Variants in PTPDC1 observed in about 807,000 individuals in gnomAD.
PTPDC1 encodes protein tyrosine phosphatase domain-containing protein 1.
PTPDC1 carries 53 observed loss-of-function variants against 75.3 expected under a neutral mutation model. The observed-to-expected ratio is 0.70, with a 90% CI of 0.56 to 0.88. PTPDC1 has a LOEUF of 0.88. Ranked by LOEUF, PTPDC1 falls within the 40% of genes least tolerant of loss-of-function variation. PTPDC1 has a pLI of 0.00. For missense variants in PTPDC1, 925 were observed against 998.6 expected (o/e 0.93, Z 0.99); for synonymous variants, 349 against 366.2 (o/e 0.95, Z 0.54).
At position 94,109,154 on chromosome 9, in the gene PTPDC1, A is replaced by G. The variant is rs144045933; in HGVS notation, c.*1210A>G. Reference sequence around the variant, plus strand: ...CTAGTTCCTTGTAAGCTGAACCATCAATTATCAGTTGAAGCCATACTTTTA... The same window carrying G: ...CTAGTTCCTTGTAAGCTGAACCATCGATTATCAGTTGAAGCCATACTTTTA... On this transcript the variant is annotated 3_prime_UTR_variant, in exon 9 of 9. Transcript: ENST00000620992. 5.9e-5 allele frequency: 9 copies of G among 152,366 alleles called. No homozygotes were observed. The highest frequency in any genetic ancestry group is 2.2e-4 in the African/African-American group (9 of 41,582). 9.4% of individuals were successfully genotyped at this position (152,366 alleles called of 1,614,324 possible). A position where few individuals can be genotyped will look rare whatever the true frequency, so the allele number is the denominator to read the frequency against.
chr9:94,037,336 C>T (rs1470814933), intron 1 of PTPDC1, among the ~76,000 whole-genome samples: 1 of 152,112 alleles, frequency 6.6e-6, no homozygotes, highest in African/African-American at 2.4e-5. Flanking sequence ...TTAAAAATAA[C>T]ATTGTTTTCT....
intron 2 of PTPDC1, among the ~76,000 whole-genome samples, chr9:94,078,268 A>ATGT (rs1826761257): frequency 6.6e-6 from 1 of 152,208 alleles, no homozygotes; most frequent in Non-Finnish European, 1.5e-5. Context: ...TTTTTGACAG[A>ATGT]AATCTTGCTG....
intron 1 of PTPDC1, among the ~76,000 whole-genome samples, chr9:94,038,715 A>G (rs1825347034): frequency 6.6e-6 from 1 of 152,170 alleles, no homozygotes; most frequent in Admixed American, 6.5e-5. Context: ...AATACTGGGG[A>G]AATTCCTTCA....
At chr9:94,070,645 T>G (rs1826481073) in intron 2 of PTPDC1, among the ~76,000 whole-genome samples, 1 of 152,222 alleles carries the variant, frequency 6.6e-6, no homozygotes, top group South Asian at 2.1e-4. Context: ...GGATCCCTCC[T>G]ACTTCCTTTA....
chr9:94,059,232 A>T (rs1587856142), intron 1 of PTPDC1, among the ~76,000 whole-genome samples: 2 of 152,226 alleles, frequency 1.3e-5, no homozygotes, highest in East Asian at 3.8e-4. Flanking sequence ...TAGTAATAAC[A>T]ATTGTATTTT....
At chr9:94,072,001 G>T (rs1016164401) in intron 2 of PTPDC1, among the ~76,000 whole-genome samples, 2 of 151,966 alleles carry the variant, frequency 1.3e-5, no homozygotes, top group African/African-American at 4.8e-5. Flanking sequence ...AACTGGTATT[G>T]TGGTTTTTTT....
intron 7 of PTPDC1, among the ~76,000 whole-genome samples, chr9:94,102,397 A>G (rs1827874382): frequency 6.6e-6 from 1 of 151,762 alleles, no homozygotes; most frequent in African/African-American, 2.4e-5. Flanking sequence ...ATATATGTAT[A>G]AAATATAGAA....
chr9:94,084,811 A>G (rs1827013970), intron 1 of PTPDC1, 37 bp downstream of exon 1: 26 of 1,411,716 alleles, frequency 1.8e-5, no homozygotes, highest in East Asian at 2.3e-5. Context: ...ACCTATGTAT[A>G]TAAGTTTGAG....
chr9:94,072,423 TG>T (rs1227612905), intron 2 of PTPDC1, among the ~76,000 whole-genome samples: 2 of 152,216 alleles, frequency 1.3e-5, no homozygotes, highest in African/African-American at 2.4e-5. Context: ...CTTTCCATTC[TG>T]GGAAGTTTTT....
At chr9:94,070,602 T>G (rs72618201) in intron 2 of PTPDC1, among the ~76,000 whole-genome samples, 7,416 of 152,288 alleles carry the variant, frequency 0.049, 250 homozygotes, top group East Asian at 0.15. Context: ...TGACATTGTT[T>G]TGGTCAAAAT....
intron 2 of PTPDC1, among the ~76,000 whole-genome samples, chr9:94,076,494 T>A (rs1230566096): frequency 6.6e-6 from 1 of 152,248 alleles, no homozygotes; most frequent in Non-Finnish European, 1.5e-5. Context: ...TCAAGGTTCA[T>A]CCATGTTGTA....
At chr9:94,038,543 T>A (rs1030620380) in intron 1 of PTPDC1, among the ~76,000 whole-genome samples, 1 of 152,226 alleles carries the variant, frequency 6.6e-6, no homozygotes, top group African/African-American at 2.4e-5. Flanking sequence ...TAATAGTAAT[T>A]CCAATTCAGT....
chr9:94,064,647 G>T, intron 1 of PTPDC1: 1 of 863,264 alleles, frequency 1.2e-6, no homozygotes. Context: ...CTGCAGCATT[G>T]GATAACAAAG....
At chr9:94,087,286 A>C (rs1261383399) in intron 2 of PTPDC1, among the ~76,000 whole-genome samples, 1 of 152,192 alleles carries the variant, frequency 6.6e-6, no homozygotes, top group African/African-American at 2.4e-5. Flanking sequence ...ATCATCCAAA[A>C]TTGAAGCCAG....
chr9:94,043,304 T>C (rs916742594), intron 1 of PTPDC1, among the ~76,000 whole-genome samples: 2 of 152,236 alleles, frequency 1.3e-5, no homozygotes, highest in Non-Finnish European at 2.9e-5. Flanking sequence ...GGTTTTAGTT[T>C]GCACATCCCC....
chr9:94,059,757 T>C (rs530110663), intron 1 of PTPDC1, among the ~76,000 whole-genome samples: 13 of 152,312 alleles, frequency 8.5e-5, no homozygotes, highest in African/African-American at 3.1e-4. Flanking sequence ...GGTGGAGACT[T>C]TTATTTTTCA....
intron 1 of PTPDC1, chr9:94,038,348 A>G: frequency 1.8e-6 from 1 of 568,874 alleles, no homozygotes. Flanking sequence ...GTGAGTAATT[A>G]TTGACCACTG....
intron 2 of PTPDC1, among the ~76,000 whole-genome samples, chr9:94,070,726 T>C (rs1486629654): frequency 6.6e-6 from 1 of 152,240 alleles, no homozygotes; most frequent in Admixed American, 6.5e-5. Context: ...TCTATAATTT[T>C]GTCATCGCAA....
At chr9:94,090,256 A>G (rs1370870174) in intron 4 of PTPDC1, among the ~76,000 whole-genome samples, 9 of 98,350 alleles carry the variant, frequency 9.2e-5, no homozygotes, top group Admixed American at 8.7e-4. Flanking sequence ...TGATTTTTGT[A>G]TAAGGTGTAA....
Sources: allele counts gnomAD v4.1 joint callset (sites outside exome capture counted in the v4.1 genomes callset), GRCh38; gene constraint gnomAD v4.1.1; transcripts MANE v1.5; gene names NCBI Gene and HGNC (gene_info 2026-07-23, HGNC 2026-07-21).